Variants in PEBP4 observed in about 807,000 individuals in gnomAD.
The protein encoded by PEBP4 is phosphatidylethanolamine-binding protein 4.
PEBP4 carries 22 observed loss-of-function variants against 23.9 expected under a neutral mutation model. That is an observed-to-expected ratio of 0.92 (90% CI 0.66 to 1.31). The LOEUF (loss-of-function observed/expected upper bound fraction) is 1.31, where lower values mean the gene tolerates loss of function less well. Ranked by LOEUF, PEBP4 falls within the 40% of genes most tolerant of loss-of-function variation. PEBP4 has a pLI of 0.00. For synonymous variants in PEBP4, 112 were observed against 99.3 expected, an observed-to-expected ratio of 1.13 and a Z score of -0.76; for missense variants, 324 against 281.7, an observed-to-expected ratio of 1.15 and a Z score of -1.07.
At chr8:22,863,777 G>A (rs1037169881) in intron 3 of PEBP4, among the ~76,000 whole-genome samples, 4 of 152,158 alleles carry the variant, frequency 2.6e-5, no homozygotes, top group Admixed American at 1.3e-4. Context: ...CCATCTGAGC[G>A]ATGATACCTG....
At chr8:22,729,070 T>A (rs77298744) in intron 4 of PEBP4, among the ~76,000 whole-genome samples, 5,320 of 152,264 alleles carry the variant, frequency 0.035, 321 homozygotes, top group African/African-American at 0.12. Flanking sequence ...TGGGCCTGGC[T>A]TTATCCAGGG....
chr8:22,852,150 T>C (rs1876875), intron 3 of PEBP4, among the ~76,000 whole-genome samples: 71,526 of 151,908 alleles, frequency 0.47, 17,090 homozygotes, highest in South Asian at 0.67. Flanking sequence ...ACAGTTTTTA[T>C]TGGGAATCCC....
chr8:22,778,385 CTT>C (rs1211155646), intron 4 of PEBP4, among the ~76,000 whole-genome samples: 6 of 146,228 alleles, frequency 4.1e-5, no homozygotes, highest in African/African-American at 2.6e-5. Flanking sequence ...AGAGCTTGAA[CTT>C]TTTTTTTTTT....
At chr8:22,784,436 A>G (rs529187957) in intron 4 of PEBP4, among the ~76,000 whole-genome samples, 1 of 152,202 alleles carries the variant, frequency 6.6e-6, no homozygotes, top group Non-Finnish European at 1.5e-5. Flanking sequence ...TGATGCCTTG[A>G]TTTGAAGGAA....
At chr8:22,718,564 C>A (rs1360808537) in intron 6 of PEBP4, among the ~76,000 whole-genome samples, 1 of 152,204 alleles carries the variant, frequency 6.6e-6, no homozygotes, top group Non-Finnish European at 1.5e-5. Flanking sequence ...CTGAGTGTTG[C>A]CCGGGATGGC....
Position 22,713,297 on chromosome 8 carries a change from C to T in PEBP4, c.*73G>A. ...TTTGGAAAAGAAGGGGTTCTGTATC[C>T]AGAGGGGGTTCCATACCCACATCGT... On this transcript the variant is annotated 3_prime_UTR_variant, in exon 7 of 7. Transcript: ENST00000256404. The T allele has an allele frequency of 6.7e-7, 1 of 1,499,490 alleles. No individual in the cohort carries two copies. The highest frequency in any genetic ancestry group is 8.9e-7 in the Non-Finnish European group (1 of 1,126,050). The allele number at this position is 1,499,490 out of a possible 1,614,324, so 92.9% of individuals were successfully genotyped here. A position where few individuals can be genotyped will look rare whatever the true frequency, so the allele number is the denominator to read the frequency against.
chr8:22,826,825 T>A lies in PEBP4; in HGVS notation c.259-9090A>T, dbSNP rs367948437. 4.7e-4 allele frequency among the ~76,000 whole-genome samples: 71 copies of A among 152,338 alleles called. 3 individuals are homozygous for A. Among genetic ancestry groups the A allele is most frequent in the African/African-American group, 1.6e-3 (68 of 41,578 alleles). On this transcript the variant is annotated intron_variant, in intron 3 of 6. Transcript: ENST00000256404. ...GAGATAGAGACATCTATATGTGTGT[T>A]CTATCATTCTGATTTTTAAAGCCAT...
chr8:22,907,223 C>G (rs1182410829), intron 3 of PEBP4, among the ~76,000 whole-genome samples: 1 of 152,186 alleles, frequency 6.6e-6, no homozygotes, highest in Admixed American at 6.5e-5. Flanking sequence ...CTTTGGCAGG[C>G]CAAGGCGAGC....
intron 4 of PEBP4, among the ~76,000 whole-genome samples, chr8:22,813,524 C>T (rs1160008573): frequency 1.3e-5 from 2 of 152,176 alleles, no homozygotes; most frequent in Non-Finnish European, 2.9e-5. Flanking sequence ...GCTCTGAACA[C>T]TAACTTCAGA....
At chr8:22,897,234 T>C (rs565603977) in intron 3 of PEBP4, among the ~76,000 whole-genome samples, 5 of 152,288 alleles carry the variant, frequency 3.3e-5, no homozygotes, top group African/African-American at 1.2e-4. Context: ...CTGTTCAGAC[T>C]CCTATCATGC....
chr8:22,806,018 T>C (rs994354355), intron 4 of PEBP4, among the ~76,000 whole-genome samples: 1 of 152,144 alleles, frequency 6.6e-6, no homozygotes, highest in Non-Finnish European at 1.5e-5. Flanking sequence ...ACTCCCACAT[T>C]GTGGCTTGAC....
intron 3 of PEBP4, among the ~76,000 whole-genome samples, chr8:22,842,647 G>T (rs1031933874): frequency 6.6e-6 from 1 of 152,116 alleles, no homozygotes; most frequent in Non-Finnish European, 1.5e-5. Context: ...CAACAGGCCT[G>T]CACAGCCATA....
At chr8:22,870,584 C>G (rs964012400) in intron 3 of PEBP4, among the ~76,000 whole-genome samples, 1 of 151,932 alleles carries the variant, frequency 6.6e-6, no homozygotes, top group Non-Finnish European at 1.5e-5. Context: ...AAAGTATGGG[C>G]GTTGGGTGAG....
intron 6 of PEBP4, among the ~76,000 whole-genome samples, chr8:22,722,924 C>T (rs1044903029): frequency 8.7e-5 from 13 of 149,858 alleles, no homozygotes; most frequent in African/African-American, 2.9e-4. Flanking sequence ...AGGCGCCCAC[C>T]GCCACGCTGG....
At chr8:22,883,459 T>G (rs959170245) in intron 3 of PEBP4, among the ~76,000 whole-genome samples, 3 of 151,474 alleles carry the variant, frequency 2.0e-5, no homozygotes, top group Non-Finnish European at 2.9e-5. Context: ...TCTGGCCAGA[T>G]CTCAACCTCC....
intron 4 of PEBP4, among the ~76,000 whole-genome samples, chr8:22,762,078 T>C (rs1490743344): frequency 6.6e-6 from 1 of 152,036 alleles, no homozygotes; most frequent in Non-Finnish European, 1.5e-5. Flanking sequence ...CTATGTTAGT[T>C]TGCTTATTGT....
At chr8:22,766,890 T>C (rs772216363) in intron 4 of PEBP4, among the ~76,000 whole-genome samples, 1 of 152,188 alleles carries the variant, frequency 6.6e-6, no homozygotes, top group African/African-American at 2.4e-5. Context: ...AATGATTGCT[T>C]CTGCAAGCTA....
At chr8:22,851,361 C>T (rs1398571859) in intron 3 of PEBP4, among the ~76,000 whole-genome samples, 7 of 152,116 alleles carry the variant, frequency 4.6e-5, no homozygotes, top group East Asian at 1.9e-4. Context: ...CCTTCTGAGT[C>T]GATTCTTGAG....
At chr8:22,765,116 T>TATTC (rs560144016) in intron 4 of PEBP4, among the ~76,000 whole-genome samples, 1 of 144,898 alleles carries the variant, frequency 6.9e-6, no homozygotes, top group South Asian at 2.3e-4. Context: ...TTCCTTTATT[T>TATTC]CTTCCTTCCT....
Sources: gnomAD v4.1 joint callset for allele counts (sites outside exome capture counted in the v4.1 genomes callset) on GRCh38, gnomAD v4.1.1 for gene constraint, MANE v1.5 for transcripts, NCBI Gene and HGNC (gene_info 2026-07-23, HGNC 2026-07-21) for gene names.